Variants in DGUOK observed in about 807,000 individuals in gnomAD.
The protein encoded by DGUOK is deoxyguanosine kinase, mitochondrial.
A neutral mutation model predicts 36.6 loss-of-function variants in DGUOK; 30 were observed. The ratio of observed to expected loss-of-function variants is 0.82; its 90% CI spans 0.61 to 1.11. The LOEUF (loss-of-function observed/expected upper bound fraction) is 1.11. Ranked by LOEUF, DGUOK falls within the 50% of genes most tolerant of loss-of-function variation. The probability of loss-of-function intolerance (pLI) is 0.00; values close to 1 mark genes in which losing one functional copy is unlikely to be tolerated. For synonymous variants in DGUOK, 145 were observed against 126.3 expected, an observed-to-expected ratio of 1.15 and a Z score of -0.99; for missense variants, 361 against 336.4, an observed-to-expected ratio of 1.07 and a Z score of -0.57.
intron 1 of DGUOK, among the ~76,000 whole-genome samples, chr2:73,936,109 A>G (rs1681441597): frequency 6.6e-6 from 1 of 152,250 alleles, no homozygotes; most frequent in South Asian, 2.1e-4. Flanking sequence ...ATAGCTTTTT[A>G]GCTATTAAAT....
chr2:73,934,962 G>T (rs1366143619), intron 1 of DGUOK, among the ~76,000 whole-genome samples: 6 of 151,726 alleles, frequency 4.0e-5, no homozygotes, highest in Non-Finnish European at 8.8e-5. Context: ...AGTGGTCCCA[G>T]CTACTCAAGA....
intron 2 of DGUOK, among the ~76,000 whole-genome samples, chr2:73,946,335 T>C (rs1009048093): frequency 1.3e-5 from 2 of 152,216 alleles, no homozygotes; most frequent in East Asian, 1.9e-4. Flanking sequence ...CATAGTGTTA[T>C]AGTGGAAAGA....
At chr2:73,951,871 A>G (rs908690692) in intron 4 of DGUOK, among the ~76,000 whole-genome samples, 1 of 152,236 alleles carries the variant, frequency 6.6e-6, no homozygotes, top group Non-Finnish European at 1.5e-5. Context: ...TAAGGGTTAA[A>G]GTTTAAAATG....
intron 1 of DGUOK, 77 bp from the exon 2 acceptor site, chr2:73,938,833 G>T (rs1276532839): frequency 4.1e-6 from 4 of 976,716 alleles, no homozygotes; most frequent in Non-Finnish European, 6.7e-6. Context: ...TTGGGCGTTT[G>T]TGGCAGAGTT....
At chr2:73,952,729 C>G (rs1308895715) in intron 4 of DGUOK, among the ~76,000 whole-genome samples, 1 of 152,210 alleles carries the variant, frequency 6.6e-6, no homozygotes. Flanking sequence ...TGGGCTGACT[C>G]ATTCCTGGGA....
chr2:73,939,493 C>T (rs1223858746), intron 2 of DGUOK, among the ~76,000 whole-genome samples: 5 of 152,210 alleles, frequency 3.3e-5, no homozygotes, highest in African/African-American at 9.7e-5. Context: ...TACTATGTGC[C>T]AGGCACTGTA....
chr2:73,945,764 G>A (rs7601739), intron 2 of DGUOK, among the ~76,000 whole-genome samples: 78,379 of 152,036 alleles, frequency 0.52, 22,746 homozygotes, highest in Non-Finnish European at 0.63. Context: ...AAAGAATCTG[G>A]GGCTGGGCGT....
intron 3 of DGUOK, chr2:73,947,563 A>T (rs1448724026): frequency 6.3e-6 from 1 of 158,722 alleles, no homozygotes; most frequent in Non-Finnish European, 1.4e-5. Flanking sequence ...ATGTGAAGTC[A>T]CTTTGAATGC....
intron 1 of DGUOK, among the ~76,000 whole-genome samples, chr2:73,927,353 C>T (rs768539463): frequency 1.3e-5 from 2 of 152,116 alleles, no homozygotes; most frequent in African/African-American, 2.4e-5. Flanking sequence ...AAGCGACAAG[C>T]GGGTGCAGTT....
At chr2:73,930,584 A>C (rs571268815) in intron 1 of DGUOK, among the ~76,000 whole-genome samples, 14 of 152,018 alleles carry the variant, frequency 9.2e-5, no homozygotes, top group African/African-American at 3.4e-4. Context: ...AACTCCCTCT[A>C]TTTTCCTGAC....
At chr2:73,928,956 T>C (rs1680808524) in intron 1 of DGUOK, among the ~76,000 whole-genome samples, 1 of 152,236 alleles carries the variant, frequency 6.6e-6, no homozygotes, top group African/African-American at 2.4e-5. Flanking sequence ...GTTCTAGTTA[T>C]ATTTTAAGAT....
intron 4 of DGUOK, among the ~76,000 whole-genome samples, chr2:73,956,467 A>G (rs1318699320): frequency 4.6e-5 from 7 of 152,216 alleles, no homozygotes; most frequent in Non-Finnish European, 8.8e-5. Context: ...TCATGTCATT[A>G]TATTGCCGTA....
chr2:73,957,882 A>G, intron 5 of DGUOK: 4 of 395,840 alleles, frequency 1.0e-5, no homozygotes, highest in Non-Finnish European at 1.9e-5. Flanking sequence ...TCCTCCCTTT[A>G]GGCTTGGTTT....
intron 1 of DGUOK, among the ~76,000 whole-genome samples, chr2:73,935,478 GA>G (rs201837808): frequency 4.0e-5 from 6 of 148,698 alleles, no homozygotes; most frequent in Non-Finnish European, 6.0e-5. Context: ...AGCAAGAAGG[GA>G]AAAAAAAAAT....
At chr2:73,944,022 G>A (rs1340531736) in intron 2 of DGUOK, among the ~76,000 whole-genome samples, 2 of 152,094 alleles carry the variant, frequency 1.3e-5, no homozygotes, top group Non-Finnish European at 2.9e-5. Flanking sequence ...AGGCTGGAAT[G>A]CAGTGGCCCT....
chr2:73,944,604 A>T (rs1682151050), intron 2 of DGUOK, among the ~76,000 whole-genome samples: 1 of 152,094 alleles, frequency 6.6e-6, no homozygotes, highest in African/African-American at 2.4e-5. Context: ...TTTTGTGTCC[A>T]ATTATTGTTC....
chr2:73,948,619 G>C (rs566140390), intron 3 of DGUOK, among the ~76,000 whole-genome samples: 1 of 152,364 alleles, frequency 6.6e-6, no homozygotes, highest in South Asian at 2.1e-4. Flanking sequence ...ACATGCTCAC[G>C]TGTGTGATAT....
rs1297235464 is a variant in DGUOK at position 73,958,917 on chromosome 2, G to A, written c.*181G>A. The A allele has an allele frequency of 1.1e-5, 7 of 617,000 alleles. No homozygotes were observed. The highest frequency in any genetic ancestry group is 5.9e-5 in the Admixed American group (2 of 33,940). 38.2% of individuals were successfully genotyped at this position (617,000 alleles called of 1,614,324 possible). A position where few individuals can be genotyped will look rare whatever the true frequency, so the allele number is the denominator to read the frequency against. On this transcript the variant is annotated 3_prime_UTR_variant, in exon 7 of 7. Transcript: ENST00000264093. ...GCCATTGTTTTCTTTTGTACCTGAA[G>A]CATTTTGAAAATAAAGTTTACTTAA...
intron 5 of DGUOK, chr2:73,957,918 TCTGA>T (rs1391341007): frequency 6.8e-6 from 3 of 439,364 alleles, no homozygotes; most frequent in South Asian, 2.1e-5. Flanking sequence ...TGTTTGGTGC[TCTGA>T]CTGTTTGTTA....
Sources: gnomAD v4.1 joint callset for allele counts (sites outside exome capture counted in the v4.1 genomes callset) on GRCh38, gnomAD v4.1.1 for gene constraint, MANE v1.5 for transcripts, NCBI Gene and HGNC (gene_info 2026-07-23, HGNC 2026-07-21) for gene names.